The following CEP290 variants were observed in gnomAD, a reference collection of about 807,000 sequenced individuals.
The protein encoded by CEP290 is centrosomal protein 290.
CEP290 carries 317 observed loss-of-function variants against 344.9 expected under a neutral mutation model. That is an observed-to-expected ratio of 0.92 (90% CI 0.84 to 1.01). CEP290 has a LOEUF of 1.01. CEP290 is among the 50% of genes least tolerant of loss of function. The probability of loss-of-function intolerance (pLI) is 0.00; values close to 1 mark genes in which losing one functional copy is unlikely to be tolerated. For synonymous variants in CEP290, 932 were observed against 895.8 expected (o/e 1.04, Z -0.72); for missense variants, 2,754 against 2,761.4 (o/e 1.00, Z 0.06).
rs1000757966 is a variant in CEP290 at position 88,106,720 on chromosome 12, C to T, written c.2772G>A (p.Met924Ile). Reference sequence around the variant, plus strand: ...CAATTTTTTCACAAACTTCAGCCTCCATTGACAACAATTCATTCTTTTGCT... The same window carrying T: ...CAATTTTTTCACAAACTTCAGCCTCTATTGACAACAATTCATTCTTTTGCT... ...NEKQKNELLS[M>I]EAEVCEKIGC... Residue 924 changes from methionine to isoleucine, a missense_variant, in exon 25 of 54, where the codon ATG (methionine) becomes ATA (isoleucine). Transcript: ENST00000552810. The T allele has an allele frequency of 6.2e-7, 1 of 1,611,634 alleles. No homozygotes were observed. Among genetic ancestry groups the T allele is most frequent in the Admixed American group, 1.7e-5 (1 of 59,762 alleles).
rs762289521 is a variant in CEP290 at position 88,049,145 on chromosome 12, TAATA to T, written c.*35_*38del. 4.1e-6 allele frequency: 5 copies of T among 1,231,592 alleles called. No individual in the cohort carries two copies. Among genetic ancestry groups the T allele is most frequent in the Middle Eastern group, 2.8e-4 (1 of 3,548 alleles). 76.3% of individuals were successfully genotyped at this position (1,231,592 alleles called of 1,614,324 possible). On this transcript the variant is annotated 3_prime_UTR_variant, in exon 54 of 54. Coordinates refer to ENST00000552810, the MANE Select transcript of CEP290 (RefSeq NM_025114.4). ...TCCAAGTATATTTAACTTATAAAGT[TAATA>T]AATAGTTAAATGAAACAAAGTTTAT...
chr12:88,101,252 C>A (rs1020534209), intron 26 of CEP290, among the ~76,000 whole-genome samples: 19 of 151,454 alleles, frequency 1.3e-4, no homozygotes, highest in African/African-American at 7.3e-5. Context: ...GAGGCCGAGG[C>A]GGGTGGATCA....
chr12:88,136,789 T>G lies in CEP290; in HGVS notation c.298-3A>C, dbSNP rs377747262. ...CCACCTGCAGACTGCTGAGCCATCT[T>G]AAAGTAATAAACCCAAAGTATAAAT... On this transcript the variant is annotated splice_polypyrimidine_tract_variant and splice_region_variant and intron_variant, in intron 5 of 53. Transcript: ENST00000552810. 1.9e-6 allele frequency: 3 copies of G among 1,612,952 alleles called. No individual in the cohort carries two copies. The highest frequency in any genetic ancestry group is 2.5e-6 in the Non-Finnish European group (3 of 1,179,410).
rs555247609 is a variant in CEP290 at position 88,094,064 on chromosome 12, T to C, written c.3104-89A>G. 1.0e-4 allele frequency: 104 copies of C among 1,003,518 alleles called. No homozygotes were observed. In the South Asian group the frequency reaches 1.5e-3, roughly 15 times the overall value. The allele number at this position is 1,003,518 out of a possible 1,614,324, so 62.2% of individuals were successfully genotyped here. A position where few individuals can be genotyped will look rare whatever the true frequency, so the allele number is the denominator to read the frequency against. The stretch of plus-strand genomic sequence containing the variant: ...AGATGCTGTATATTAGAAAGCATTA[T>C]AGTTCCATGGAAAGCACATTAGCTT... On this transcript the variant is annotated intron_variant, in intron 27 of 53. Transcript: ENST00000552810.
intron 41 of CEP290, among the ~76,000 whole-genome samples, chr12:88,072,618 C>T (rs1289198989): frequency 6.6e-6 from 1 of 152,124 alleles, no homozygotes; most frequent in Non-Finnish European, 1.5e-5. Context: ...ATCCTCTGTA[C>T]AAACGACCAA....
At chr12:88,061,057 C>A in intron 46 of CEP290, 63 bp from the exon 47 acceptor site, 1 of 1,203,526 alleles carries the variant, frequency 8.3e-7, no homozygotes, top group Non-Finnish European at 1.1e-6. Flanking sequence ...GAAGTACCAA[C>A]AATACAACAG....
At chr12:88,131,315 G>GT (rs2138117949) in intron 6 of CEP290, 97 bp from the exon 7 acceptor site, 1 of 841,714 alleles carries the variant, frequency 1.2e-6, no homozygotes, top group East Asian at 3.2e-5. Context: ...CTAGGCTGGA[G>GT]TACAGTGGTG....
intron 6 of CEP290, among the ~76,000 whole-genome samples, chr12:88,133,451 A>T (rs918286428): frequency 1.3e-5 from 2 of 152,128 alleles, no homozygotes; most frequent in African/African-American, 4.8e-5. Flanking sequence ...TTCATTATCC[A>T]GTCTATCATT....
chr12:88,103,421 G>T (rs1216062513), intron 25 of CEP290: 1 of 153,588 alleles, frequency 6.5e-6, no homozygotes, highest in Non-Finnish European at 1.4e-5. Context: ...AGCTATTTAT[G>T]CTTATTGTAA....
intron 47 of CEP290, 117 bp downstream of exon 47, chr12:88,060,713 A>G: frequency 2.9e-6 from 2 of 693,136 alleles, no homozygotes; most frequent in South Asian, 4.7e-5. Context: ...TATTTATAAA[A>G]TATGTATTGT....
chr12:88,091,299 A>G (rs905143146), intron 29 of CEP290, among the ~76,000 whole-genome samples: 10 of 152,152 alleles, frequency 6.6e-5, no homozygotes, highest in African/African-American at 1.9e-4. Context: ...AGAAATGTAA[A>G]ATTTCTAGGA....
intron 12 of CEP290, 148 bp downstream of exon 12, chr12:88,126,167 TG>T: frequency 2.0e-6 from 1 of 502,068 alleles, no homozygotes; most frequent in African/African-American, 2.0e-5. Flanking sequence ...TGGGACCAGG[TG>T]GTAGAAGAAA....
chr12:88,065,302 A>C (rs925115470), intron 44 of CEP290, among the ~76,000 whole-genome samples: 2 of 146,464 alleles, frequency 1.4e-5, no homozygotes, highest in African/African-American at 4.9e-5. Flanking sequence ...ACTTTATAAC[A>C]TCTTTTAGAT....
chr12:88,092,619 C>T (rs906147264), intron 29 of CEP290, 62 bp downstream of exon 29: 16 of 1,477,708 alleles, frequency 1.1e-5, no homozygotes, highest in Non-Finnish European at 2.7e-6. Flanking sequence ...AATTGGGTTT[C>T]TTAAAGACAA....
rs74688229 is a variant in CEP290, at chr12:88,081,667, C to T, written c.5013-1272G>A. On this transcript the variant is annotated intron_variant, in intron 37 of 53. Transcript: ENST00000552810. ...CACACAGATCCATAATCTCCTAATA[C>T]ATATCAAAATATGCACACAGAGAAC... Among the ~76,000 whole-genome samples, 1,186 of 152,260 alleles carry T rather than the reference C, an allele frequency of 7.8e-3. 20 individuals are homozygous for T. The highest frequency in any genetic ancestry group is 0.027 in the African/African-American group (1,119 of 41,552).
intron 44 of CEP290, among the ~76,000 whole-genome samples, chr12:88,065,464 C>T (rs1239065903): frequency 6.6e-6 from 1 of 152,148 alleles, no homozygotes; most frequent in Non-Finnish European, 1.5e-5. Context: ...CCCAAGTATA[C>T]ATTCAAATCT....
rs1487972384 is a variant in CEP290, at chr12:88,111,425, T to G, written c.2218-74A>C. ...AAAGACAAATTGACAGATATGTGAA[T>G]GCCCTGCCAGGAATTTTACCTCAAC... On this transcript the variant is annotated intron_variant, in intron 21 of 53. Transcript: ENST00000552810. The G allele has an allele frequency of 5.1e-6, 7 of 1,366,526 alleles. No individual in the cohort carries two copies. The African/African-American group carries it at 1.1e-4, about 21-fold the overall frequency. The allele number at this position is 1,366,526 out of a possible 1,614,324, so 84.7% of individuals were successfully genotyped here. A position where few individuals can be genotyped will look rare whatever the true frequency, so the allele number is the denominator to read the frequency against.
intron 23 of CEP290, among the ~76,000 whole-genome samples, chr12:88,108,000 A>G (rs545249962): frequency 2.6e-5 from 4 of 151,916 alleles, no homozygotes; most frequent in Non-Finnish European, 5.9e-5. Flanking sequence ...CATGTTGTAT[A>G]GCATAGTATA....
At chr12:88,123,820 A>G (rs992884760) in intron 13 of CEP290, among the ~76,000 whole-genome samples, 6 of 152,018 alleles carry the variant, frequency 3.9e-5, no homozygotes, top group African/African-American at 1.2e-4. Context: ...AAGCATCTCA[A>G]ACCTAACATG....
Sources: gnomAD v4.1 joint callset for allele counts (sites outside exome capture counted in the v4.1 genomes callset) on GRCh38, gnomAD v4.1.1 for gene constraint, MANE v1.5 for transcripts, NCBI Gene and HGNC (gene_info 2026-07-23, HGNC 2026-07-21) for gene names.